The following RYR3 variants were observed in gnomAD, a reference collection of about 807,000 sequenced individuals.
RYR3 encodes brain ryanodine receptor-calcium release channel.
In RYR3, 207 loss-of-function variants were observed where a neutral mutation model predicts 584.3. The ratio of observed to expected loss-of-function variants is 0.35; its 90% CI spans 0.32 to 0.40. The LOEUF (loss-of-function observed/expected upper bound fraction) is 0.40. Among genes scored for constraint, RYR3 ranks in the 10% least tolerant of loss-of-function variants. The pLI, the probability that RYR3 is intolerant of heterozygous loss-of-function variation, is 1.00. For missense variants in RYR3, 5,616 were observed against 6,089.2 expected, an observed-to-expected ratio of 0.92 and a Z score of 2.59; for synonymous variants, 2,416 against 2,248.5, an observed-to-expected ratio of 1.07 and a Z score of -2.11.
chr15:33,742,340 T>G, intron 51 of RYR3, 26 bp from the exon 52 acceptor site: 1 of 1,486,592 alleles, frequency 6.7e-7, no homozygotes. Flanking sequence ...TTGGGGAGGT[T>G]GTAATTTTTT....
intron 23 of RYR3, 30 bp from the exon 24 acceptor site, chr15:33,632,919 A>G (rs764182978): frequency 8.8e-6 from 14 of 1,585,998 alleles, no homozygotes; most frequent in Middle Eastern, 1.7e-4. Flanking sequence ...GAGATCTGTT[A>G]AAAATGTATA....
chr15:33,473,251 T>C (rs563289524), intron 1 of RYR3, 168 bp from the exon 2 acceptor site: 8 of 814,948 alleles, frequency 9.8e-6, no homozygotes, highest in African/African-American at 8.3e-5. Context: ...TGCTCCGTGA[T>C]GTCCTGTGAA....
At chr15:33,346,125 G>A (rs542885712) in intron 1 of RYR3, among the ~76,000 whole-genome samples, 10 of 152,192 alleles carry the variant, frequency 6.6e-5, no homozygotes, top group African/African-American at 2.4e-4. Context: ...AACTTCCAAA[G>A]GATATTGATC....
chr15:33,533,677 G>A (rs2055071913), intron 5 of RYR3, among the ~76,000 whole-genome samples: 1 of 152,188 alleles, frequency 6.6e-6, no homozygotes, highest in South Asian at 2.1e-4. Context: ...CAAATCATTT[G>A]TGATAAGAAC....
At chr15:33,524,769 C>T (rs1793077381) in intron 3 of RYR3, among the ~76,000 whole-genome samples, 2 of 152,088 alleles carry the variant, frequency 1.3e-5, no homozygotes, top group Admixed American at 1.3e-4. Context: ...AAGATAGAAT[C>T]TCTTCCATAT....
intron 1 of RYR3, among the ~76,000 whole-genome samples, chr15:33,368,313 T>G (rs959264275): frequency 4.1e-4 from 62 of 151,844 alleles, no homozygotes; most frequent in African/African-American, 1.5e-3. Flanking sequence ...ACAGGACTTT[T>G]GTTTCTTCAT....
chr15:33,677,535 G>A (rs924528936), intron 38 of RYR3, among the ~76,000 whole-genome samples: 8 of 152,156 alleles, frequency 5.3e-5, no homozygotes, highest in Admixed American at 5.2e-4. Context: ...CTGGTTGACA[G>A]ATTTCAAAAA....
chr15:33,611,413 G>A (rs796883251), intron 18 of RYR3, among the ~76,000 whole-genome samples: 7 of 151,882 alleles, frequency 4.6e-5, no homozygotes, highest in African/African-American at 1.7e-4. Context: ...AAAGTTAGGC[G>A]GGCGTGGTGG....
rs536549791 is a variant in RYR3 at position 33,508,420 on chromosome 15, C to T, written c.279+4682C>T. ...ATCCCAGCACTCTGGGAGGCTGAGG[C>T]GGGCGGATCACAAGGTCAGGAGATC... On this transcript the variant is annotated intron_variant, in intron 3 of 103. Coordinates refer to ENST00000634891, the MANE Select transcript of RYR3 (RefSeq NM_001036.6). Among the ~76,000 whole-genome samples, 10 of 152,040 alleles carry T rather than the reference C, an allele frequency of 6.6e-5. No individual in the cohort carries two copies. In the East Asian group the frequency reaches 1.2e-3, roughly 18 times the overall value.
At chr15:33,603,777 TG>T (rs2059783900) in intron 18 of RYR3, among the ~76,000 whole-genome samples, 1 of 152,222 alleles carries the variant, frequency 6.6e-6, no homozygotes, top group South Asian at 2.1e-4. Context: ...AGCATAAAGA[TG>T]GTTCAGTAAT....
chr15:33,622,039 A>T (rs16973353), intron 19 of RYR3, among the ~76,000 whole-genome samples: 87,684 of 151,976 alleles, frequency 0.58, 25,750 homozygotes, highest in East Asian at 0.9. Context: ...CAAAACTGGA[A>T]GTGGCTGCTT....
chr15:33,406,665 T>G (rs1272475385), intron 1 of RYR3, among the ~76,000 whole-genome samples: 1 of 152,216 alleles, frequency 6.6e-6, no homozygotes, highest in African/African-American at 2.4e-5. Flanking sequence ...GCTGAAGCCT[T>G]GTGTTCTGTA....
chr15:33,373,156 T>C (rs2040469137), intron 1 of RYR3, among the ~76,000 whole-genome samples: 1 of 152,194 alleles, frequency 6.6e-6, no homozygotes, highest in Non-Finnish European at 1.5e-5. Flanking sequence ...CTATTCTCAT[T>C]TGAATTTACC....
intron 76 of RYR3, 88 bp downstream of exon 76, chr15:33,818,772 G>A (rs2076955303): frequency 1.1e-6 from 1 of 912,600 alleles, no homozygotes; most frequent in Non-Finnish European, 1.7e-6. Context: ...GGCAGTGGGT[G>A]GAAAAGGGAA....
chr15:33,573,681 G>C (rs2152502048), intron 12 of RYR3, among the ~76,000 whole-genome samples: 1 of 152,258 alleles, frequency 6.6e-6, no homozygotes, highest in South Asian at 2.1e-4. Context: ...GAATTCATTG[G>C]CAAAGGCCTA....
At chr15:33,554,700 T>G (rs2056951862) in intron 10 of RYR3, among the ~76,000 whole-genome samples, 1 of 152,230 alleles carries the variant, frequency 6.6e-6, no homozygotes, top group African/African-American at 2.4e-5. Context: ...CATTTTATTT[T>G]GAACATCTAA....
rs1890270813 is a variant in RYR3 at position 33,865,678 on chromosome 15, A to ATGGTACTTGCTAG, written c.*455_*467dup. 3 of 155,858 alleles carry ATGGTACTTGCTAG rather than the reference A, an allele frequency of 1.9e-5. No homozygotes were observed. Among genetic ancestry groups the ATGGTACTTGCTAG allele is most frequent in the African/African-American group, 7.3e-5 (3 of 41,338 alleles). The allele number at this position is 155,858 out of a possible 1,614,324, so 9.7% of individuals were successfully genotyped here. ...TAATAACTGCAGTCTAATTTTTCCC[A>ATGGTACTTGCTAG]TGGTACTTGCTAGTGACTGTATCCA... On this transcript the variant is annotated 3_prime_UTR_variant, in exon 104 of 104. Transcript: ENST00000634891.
chr15:33,681,628 T>C lies in RYR3; in HGVS notation c.5860+11072T>C, dbSNP rs142508145. ...CCACCTGTTCATGCCTCCAGAGCAT[T>C]TACAGCATGCCACAAGCTGACTTTT... is the stretch of plus-strand genomic sequence containing the variant. On this transcript the variant is annotated intron_variant, in intron 38 of 103. Transcript: ENST00000634891. Among the ~76,000 whole-genome samples the C allele has an allele frequency of 1.4e-4, 21 of 152,338 alleles. No individual in the cohort carries two copies. The East Asian group carries it at 3.9e-3, about 28-fold the overall frequency.
At chr15:33,667,388 G>A (rs750507877) in intron 36 of RYR3, among the ~76,000 whole-genome samples, 1 of 152,314 alleles carries the variant, frequency 6.6e-6, no homozygotes, top group East Asian at 1.9e-4. Flanking sequence ...ACTGATCTCT[G>A]ATAGCATTTC....
Sources: allele counts gnomAD v4.1 joint callset (sites outside exome capture counted in the v4.1 genomes callset), GRCh38; gene constraint gnomAD v4.1.1; transcripts MANE v1.5; gene names NCBI Gene and HGNC (gene_info 2026-07-23, HGNC 2026-07-21).